The following CYLC1 variants were observed in gnomAD, a reference collection of about 807,000 sequenced individuals.
CYLC1 encodes cylicin-1.
Under a neutral mutation model 31.6 loss-of-function variants are expected in CYLC1, and 2 were observed. That is an observed-to-expected ratio of 0.06 (90% CI 0.03 to 0.20). CYLC1 has a LOEUF of 0.20. CYLC1 is among the 10% of genes least tolerant of loss of function. The pLI is 1.00. For missense variants in CYLC1, 595 were observed against 424.1 expected (o/e 1.40, Z -3.54); for synonymous variants, 185 against 153.0 (o/e 1.21, Z -1.54).
chrX:83,874,641 C>A lies in CYLC1; in HGVS notation c.1923+10C>A. On this transcript the variant is annotated intron_variant, in intron 4 of 4. Coordinates refer to ENST00000329312, the MANE Select transcript of CYLC1 (RefSeq NM_021118.3). ...AAGATATGCTCCTTTGGTAAGTTTA[C>A]TACTGTTTTATATTTAGGCTGAAAT... 8.6e-7 allele frequency: 1 copy of A among 1,167,187 alleles called. No homozygotes were observed. Among genetic ancestry groups the A allele is most frequent in the Non-Finnish European group, 1.1e-6 (1 of 876,308 alleles).
At chrX:83,885,731 T>G (rs928469552) in intron 4 of CYLC1, among the ~76,000 whole-genome samples, 3 of 108,585 alleles carry the variant, frequency 2.8e-5, no homozygotes, top group Non-Finnish European at 3.8e-5. Context: ...ATAATAAAAA[T>G]TTTTCAGAAG....
chrX:83,886,502 G>A (rs760127375), intron 4 of CYLC1, 50 bp from the exon 5 acceptor site: 3 of 1,153,210 alleles, frequency 2.6e-6, no homozygotes, highest in Non-Finnish European at 3.6e-6. Flanking sequence ...TTGATTAATA[G>A]ACAAATAAAG....
At chrX:83,868,561 A>T (rs5922880) in intron 1 of CYLC1, among the ~76,000 whole-genome samples, 1 of 110,094 alleles carries the variant, frequency 9.1e-6, no homozygotes, top group Non-Finnish European at 1.9e-5. Context: ...TCTATCTGAG[A>T]CTGATTCTGG....
At chrX:83,886,398 G>A (rs912186271) in intron 4 of CYLC1, among the ~76,000 whole-genome samples, 154 bp from the exon 5 acceptor site, 5 of 111,523 alleles carry the variant, frequency 4.5e-5, no homozygotes, top group Non-Finnish European at 7.6e-5. Flanking sequence ...AGGGATCTGC[G>A]TTTTTAATAA....
chrX:83,865,895 G>C (rs1157676590), intron 1 of CYLC1, among the ~76,000 whole-genome samples: 1 of 111,318 alleles, frequency 9.0e-6, no homozygotes, highest in Non-Finnish European at 1.9e-5. Flanking sequence ...TTAGAAAATT[G>C]TATCTTTAGG....
chrX:83,873,305 T>A lies in CYLC1; in HGVS notation c.597T>A (p.Asp199Glu), dbSNP rs2031701715. The change falls in exon 4 of 5, where the codon GAT becomes GAA. Residue 199 changes from aspartate to glutamate, a missense_variant. Coordinates refer to ENST00000329312, the MANE Select transcript of CYLC1 (RefSeq NM_021118.3). ...KTVSKNCSQK[D>E]KKDSKNSKKT... ...TCTCAAAAAATTGTTCACAAAAAGA[T>A]AAGAAAGATTCAAAGAATTCCAAGA... 1.7e-6 allele frequency: 2 copies of A among 1,202,836 alleles called. No homozygotes were observed. Among genetic ancestry groups the A allele is most frequent in the Non-Finnish European group, 2.2e-6 (2 of 891,612 alleles).
Position 83,886,218 on chromosome X carries a change from G to A in CYLC1, c.1924-334G>A, listed in dbSNP as rs750055872. On this transcript the variant is annotated intron_variant, in intron 4 of 4. Coordinates refer to ENST00000329312, the MANE Select transcript of CYLC1 (RefSeq NM_021118.3). ...GTAGTTGTGAAAGTTTAGGCTAATG[G>A]TGTAACATTGCTGGGCCTTGGCTCC... 6.3e-5 allele frequency among the ~76,000 whole-genome samples: 7 copies of A among 110,822 alleles called. No homozygotes were observed. The Admixed American group carries it at 6.8e-4, about 11-fold the overall frequency.
Position 83,872,905 on chromosome X carries a change from T to C in CYLC1, c.197T>C (p.Leu66Pro). The C allele has an allele frequency of 8.6e-7, 1 of 1,167,947 alleles. No homozygotes were observed. The stretch of plus-strand genomic sequence containing the variant: ...TTTCAGAGACATGACAAAAGAAAAC[T>C]AGAAGAAGGCCAGAAACCAGCTCAT... ...ITVTRHDKRK[L>P]EEGQKPAHKW... The change falls in exon 4 of 5, where the codon CTA becomes CCA. Residue 66 changes from leucine (L) to proline (P), a missense_variant. Physicochemically the swap from Leu to Pro is moderately conservative, Grantham distance 98. Transcript: ENST00000329312.
chrX:83,883,545 C>A (rs1254234601), intron 4 of CYLC1, among the ~76,000 whole-genome samples: 2 of 111,465 alleles, frequency 1.8e-5, no homozygotes, highest in Non-Finnish European at 3.8e-5. Context: ...TTTTAGTTGT[C>A]CTCTCTAAAT....
intron 3 of CYLC1, 61 bp downstream of exon 3, chrX:83,871,631 A>G: frequency 9.6e-7 from 1 of 1,047,041 alleles, no homozygotes; most frequent in Non-Finnish European, 1.3e-6. Context: ...ATATATAAAT[A>G]TAAGTAAGGC....
In CYLC1 at chrX:83,874,446, A is replaced by C. The variant is rs1410150848; in HGVS notation, c.1738A>C (p.Arg580=). 2.5e-6 allele frequency: 3 copies of C among 1,209,672 alleles called. No individual in the cohort carries two copies. The highest frequency in any genetic ancestry group is 3.4e-6 in the Non-Finnish European group (3 of 894,196). Residue 580 remains arginine, a synonymous_variant, in exon 4 of 5, where the codon AGA becomes CGA. Coordinates refer to ENST00000329312, the MANE Select transcript of CYLC1 (RefSeq NM_021118.3). ...MEGLESKRGF[R]MSSKKTTFNE... ...AGGACTGGAATCAAAGAGAGGATTC[A>C]GAATGTCATCCAAAAAGACTACATT... is the stretch of plus-strand genomic sequence containing the variant.
At chrX:83,884,380 T>C (rs2031954056) in intron 4 of CYLC1, among the ~76,000 whole-genome samples, 1 of 111,785 alleles carries the variant, frequency 8.9e-6, no homozygotes, top group Non-Finnish European at 1.9e-5. Context: ...CTGTGGGTTG[T>C]TTGTTTACTC....
chrX:83,879,549 A>G (rs973425290), intron 4 of CYLC1, among the ~76,000 whole-genome samples: 2 of 111,928 alleles, frequency 1.8e-5, no homozygotes, highest in Admixed American at 1.9e-4. Context: ...TTTTGTGTCA[A>G]TACCATACAT....
chrX:83,878,392 A>AAT lies in CYLC1; in HGVS notation c.1923+3769_1923+3770dup, dbSNP rs1196629140. ...ATAAATATATATATAAATATATATA[A>AAT]ATATATATAAATATATATAAATATA... On this transcript the variant is annotated intron_variant, in intron 4 of 4. Transcript: ENST00000329312. 3.1e-3 allele frequency among the ~76,000 whole-genome samples: 42 copies of AAT among 13,672 alleles called. 2 individuals are homozygous for AAT. The highest frequency in any genetic ancestry group is 4.2e-3 in the Non-Finnish European group (35 of 8,394). The allele number at this position is 13,672 out of a possible 115,157, so 11.9% of individuals were successfully genotyped here. A position where few individuals can be genotyped will look rare whatever the true frequency, so the allele number is the denominator to read the frequency against.
intron 3 of CYLC1, 142 bp from the exon 4 acceptor site, chrX:83,872,744 C>CACAA: frequency 2.2e-6 from 1 of 447,141 alleles, no homozygotes; most frequent in South Asian, 5.7e-5. Context: ...CACACACACA[C>CACAA]ACACACACAC....
At chrX:83,863,774 C>G (rs2031551143) in intron 1 of CYLC1, among the ~76,000 whole-genome samples, 1 of 111,874 alleles carries the variant, frequency 8.9e-6, no homozygotes, top group South Asian at 3.7e-4. Flanking sequence ...ATGCTTTCTT[C>G]TTGCTGCATT....
intron 4 of CYLC1, among the ~76,000 whole-genome samples, chrX:83,882,958 T>C (rs914851822): frequency 9.0e-6 from 1 of 111,130 alleles, no homozygotes; most frequent in African/African-American, 3.3e-5. Flanking sequence ...ATGAGAAATA[T>C]AGTACCTAAC....
rs1444962711 is a variant in CYLC1 at position 83,873,225 on chromosome X, A to C, written c.517A>C (p.Lys173Gln). ...LKSSHENEQS[K>Q]KSKSSSETNP... ...ATCATCACATGAAAATGAACAATCC[A>C]AGAAGTCAAAATCCAGTTCAGAAAC... Residue 173 changes from lysine to glutamine, a missense_variant, in exon 4 of 5, where the codon AAG becomes CAG. Lys to Gln is a moderately conservative substitution (Grantham distance 53). Coordinates refer to ENST00000329312, the MANE Select transcript of CYLC1 (RefSeq NM_021118.3). 4 of 1,202,002 alleles carry C rather than the reference A, an allele frequency of 3.3e-6. No homozygotes were observed. Among genetic ancestry groups the C allele is most frequent in the Non-Finnish European group, 4.5e-6 (4 of 890,235 alleles).
At chrX:83,861,260 AC>A (rs2031505780) in intron 1 of CYLC1, 61 bp downstream of exon 1, 1 of 815,460 alleles carries the variant, frequency 1.2e-6, no homozygotes, top group African/African-American at 2.1e-5. Context: ...CAATTTAGTT[AC>A]AAATGTATAT....
Sources: allele counts gnomAD v4.1 joint callset (sites outside exome capture counted in the v4.1 genomes callset), GRCh38; gene constraint gnomAD v4.1.1; transcripts MANE v1.5; gene names NCBI Gene and HGNC (gene_info 2026-07-23, HGNC 2026-07-21).